Variants in ARMC6 observed in about 807,000 individuals in gnomAD.
ARMC6 encodes the protein armadillo repeat containing 6, also known as armadillo repeat-containing protein 6.
In ARMC6, 43 loss-of-function variants were observed where a neutral mutation model predicts 49.2. That is an observed-to-expected ratio of 0.87 (90% CI 0.69 to 1.13). The LOEUF (loss-of-function observed/expected upper bound fraction) is 1.13. Ranked by LOEUF, ARMC6 falls within the 50% of genes most tolerant of loss-of-function variation. The pLI, the probability that ARMC6 is intolerant of heterozygous loss-of-function variation, is 0.00. For synonymous variants in ARMC6, 262 were observed against 289.6 expected, an observed-to-expected ratio of 0.90 and a Z score of 0.97; for missense variants, 627 against 682.0, an observed-to-expected ratio of 0.92 and a Z score of 0.90.
At chr19:19,045,493 C>CTTCTTTTTTTTTTTTTTTTTT (rs2059442078) in intron 4 of ARMC6, among the ~76,000 whole-genome samples, 1 of 89,118 alleles carries the variant, frequency 1.1e-5, no homozygotes, top group African/African-American at 4.8e-5. Flanking sequence ...ATGCTAAATT[C>CTTCTTTTTTTTTTTTTTTTTT]TTTTTTTTTT....
At position 19,054,220 on chromosome 19, in the gene ARMC6, G is replaced by T; in HGVS notation, c.922G>T (p.Glu308Ter). The T allele has an allele frequency of 6.2e-7, 1 of 1,611,848 alleles. No homozygotes were observed. The highest frequency in any genetic ancestry group is 1.3e-5 in the African/African-American group (1 of 74,882). The change falls in exon 6 of 9, where the codon GAG (glutamate) becomes TAG (stop). Residue 308 changes from glutamate (E) to a stop codon, truncating the protein, a stop_gained. Transcript: ENST00000535612. LOFTEE classifies it high-confidence loss of function. ...GTLSRLAIRNEFCQEVVDLGG... is the reference protein window; with the variant it reads ...GTLSRLAIRN ...CCTGTCCCGCCTGGCCATTCGCAACGAGTTCTGCCAGGAGGTCGTCGACCT... is the reference window on the plus strand; with the variant it reads ...CCTGTCCCGCCTGGCCATTCGCAACTAGTTCTGCCAGGAGGTCGTCGACCT...
At chr19:19,039,169 C>G (rs1184097105) in intron 2 of ARMC6, among the ~76,000 whole-genome samples, 3 of 151,764 alleles carry the variant, frequency 2.0e-5, no homozygotes, top group Non-Finnish European at 4.4e-5. Context: ...TGGTCTCCCT[C>G]TGTCATCCAG....
chr19:19,056,151 C>G (rs2059542879), intron 8 of ARMC6, among the ~76,000 whole-genome samples: 1 of 152,126 alleles, frequency 6.6e-6, no homozygotes, highest in Non-Finnish European at 1.5e-5. Context: ...GCCTCCTTCT[C>G]TGCCTTTGTT....
intron 2 of ARMC6, among the ~76,000 whole-genome samples, chr19:19,037,379 CTTT>C (rs34331029): frequency 2.8e-5 from 4 of 140,858 alleles, no homozygotes; most frequent in Admixed American, 7.2e-5. Flanking sequence ...TTTCTTTTTC[CTTT>C]TTTTTTTTTT....
At chr19:19,045,256 G>A (rs2059439960) in intron 4 of ARMC6, among the ~76,000 whole-genome samples, 1 of 152,120 alleles carries the variant, frequency 6.6e-6, no homozygotes, top group Admixed American at 6.6e-5. Context: ...CAGGTTATCT[G>A]CCCGCGTTGG....
At position 19,055,994 on chromosome 19, in the gene ARMC6, C is replaced by G. The variant is rs1234870793; in HGVS notation, c.1293+66C>G. 14 of 1,533,734 alleles carry G rather than the reference C, an allele frequency of 9.1e-6. No individual in the cohort carries two copies. The African/African-American group carries it at 1.9e-4, about 21-fold the overall frequency. ...GATGTGCAGGTAGGTGCAGAGAGGG[C>G]ATGGGAGCAGGTGCGGTGTGCGGGT... On this transcript the variant is annotated intron_variant, in intron 8 of 8. Coordinates refer to ENST00000535612, the MANE Select transcript of ARMC6 (RefSeq NM_001199196.2). The surrounding 1 kb of genome is among the most constrained non-coding windows in gnomAD (Gnocchi z 5.7).
chr19:19,044,059 A>G lies in ARMC6; in HGVS notation c.264A>G (p.Thr88=). 2 of 1,614,138 alleles carry G rather than the reference A, an allele frequency of 1.2e-6. No homozygotes were observed. Among genetic ancestry groups the G allele is most frequent in the Non-Finnish European group, 1.7e-6 (2 of 1,179,976 alleles). ...CTGCAGACGGATCCCAGGAGCCCAC[A>G]CATGACATCCTGCAGGTAGGAGTGG... ...KVSADGSQEP[T]HDILQMLSDL... is the part of the protein sequence containing the mutation. The change falls in exon 4 of 9, where the codon ACA becomes ACG. Residue 88 remains threonine (T), a synonymous_variant. Transcript: ENST00000535612.
Position 19,034,164 on chromosome 19 carries a change from C to T in ARMC6, c.-46C>T. 6.9e-7 allele frequency: 1 copy of T among 1,448,556 alleles called. No individual in the cohort carries two copies. The highest frequency in any genetic ancestry group is 9.5e-7 in the Non-Finnish European group (1 of 1,048,374). 89.7% of individuals were successfully genotyped at this position (1,448,556 alleles called of 1,614,324 possible). A position where few individuals can be genotyped will look rare whatever the true frequency, so the allele number is the denominator to read the frequency against. On this transcript the variant is annotated 5_prime_UTR_variant, in exon 2 of 9. Transcript: ENST00000535612. Reference sequence around the variant, plus strand: ...CACTGAGTGCCTGCTGCGTGTCGGGCCCCGTCCTAGGCAGTGGGGACAAGG... The same window carrying T: ...CACTGAGTGCCTGCTGCGTGTCGGGTCCCGTCCTAGGCAGTGGGGACAAGG...
At chr19:19,043,472 A>G (rs879736497) in intron 3 of ARMC6, among the ~76,000 whole-genome samples, 9 of 152,126 alleles carry the variant, frequency 5.9e-5, no homozygotes, top group Non-Finnish European at 1.2e-4. Flanking sequence ...TCACTTCCCC[A>G]TTGAACAAAC....
Position 19,044,477 on chromosome 19 carries a change from G to A in ARMC6, c.279+403G>A, listed in dbSNP as rs1342790701. 7.2e-5 allele frequency among the ~76,000 whole-genome samples: 11 copies of A among 152,242 alleles called. 1 individual carries two copies. The highest frequency in any genetic ancestry group is 7.2e-4 in the Admixed American group (11 of 15,282). On this transcript the variant is annotated intron_variant, in intron 4 of 8. Coordinates refer to ENST00000535612, the MANE Select transcript of ARMC6 (RefSeq NM_001199196.2). ...TTTACCAGCACTTTCCAGCCAGTCC[G>A]TTAGCACTGAAGCTCACCAGTGAAG...
Position 19,042,772 on chromosome 19 carries a change from A to C in ARMC6, c.91A>C (p.Ile31Leu). ...ACAGGCGAAGATGGTCTCCAAGCGC[A>C]TTGCCCAGGAGACCTTTGATGCAGC... is the stretch of plus-strand genomic sequence containing the variant. ...STQAKMVSKR[I>L]AQETFDAAVR... The change falls in exon 3 of 9, where the codon ATT (isoleucine) becomes CTT (leucine). Residue 31 changes from isoleucine (I) to leucine (L), a missense_variant. Physicochemically the swap from Ile to Leu is conservative, Grantham distance 5. Transcript: ENST00000535612. 1.9e-6 allele frequency: 3 copies of C among 1,613,950 alleles called. No homozygotes were observed. Among genetic ancestry groups the C allele is most frequent in the Non-Finnish European group, 2.5e-6 (3 of 1,180,030 alleles).
Position 19,055,811 on chromosome 19 carries a change from G to C in ARMC6, c.1176G>C (p.Ala392=). 1.3e-6 allele frequency: 2 copies of C among 1,596,366 alleles called. No individual in the cohort carries two copies. The highest frequency in any genetic ancestry group is 1.7e-6 in the Non-Finnish European group (2 of 1,167,876). The change falls in exon 8 of 9, where the codon GCG becomes GCC. Residue 392 remains alanine, a synonymous_variant. Transcript: ENST00000535612. The surrounding 1 kb of genome is among the most constrained non-coding windows in gnomAD (Gnocchi z 5.7). ...TSPQVCEQSC[A]ALCFLALRKP... ...TGCAGGTGTGTGAGCAGAGCTGCGCGGCCCTGTGCTTCCTGGCCCTGCGTA... is the reference window on the plus strand; with the variant it reads ...TGCAGGTGTGTGAGCAGAGCTGCGCCGCCCTGTGCTTCCTGGCCCTGCGTA...
rs1022458511 is a variant in ARMC6, at chr19:19,047,854, A to G, written c.280-3768A>G. 5.3e-5 allele frequency among the ~76,000 whole-genome samples: 8 copies of G among 152,186 alleles called. No individual in the cohort carries two copies. The East Asian group carries it at 9.6e-4, about 18-fold the overall frequency. On this transcript the variant is annotated intron_variant, in intron 4 of 8. Transcript: ENST00000535612. ...ATCAATCAATACATGTGAGACGTACATTGGTGTGGTCTGGAAAAGTAGGGC... is the reference window on the plus strand; with the variant it reads ...ATCAATCAATACATGTGAGACGTACGTTGGTGTGGTCTGGAAAAGTAGGGC...
chr19:19,053,924 T>C (rs1009234091), intron 5 of ARMC6, among the ~76,000 whole-genome samples: 1 of 151,844 alleles, frequency 6.6e-6, no homozygotes. Flanking sequence ...TGGGGCATGA[T>C]GGAAGGAAGC....
At position 19,033,657 on chromosome 19, in the gene ARMC6, T is replaced by A; in HGVS notation, c.-353T>A. On this transcript the variant is annotated 5_prime_UTR_variant, in exon 1 of 9. Transcript: ENST00000535612. ...GTCCGCTTCTTCTGGGCGGACGCTC[T>A]GGAGGCAAAACATTTCCCTGCTGGG... The A allele has an allele frequency of 2.3e-6, 2 of 854,334 alleles. No homozygotes were observed. The highest frequency in any genetic ancestry group is 3.0e-6 in the Non-Finnish European group (2 of 671,754). 52.9% of individuals were successfully genotyped at this position (854,334 alleles called of 1,614,324 possible).
In ARMC6 at chr19:19,055,288, C is replaced by A; in HGVS notation, c.1047C>A (p.Ser349Arg). The A allele has an allele frequency of 6.2e-7, 1 of 1,609,222 alleles. No homozygotes were observed. The highest frequency in any genetic ancestry group is 1.7e-5 in the Admixed American group (1 of 59,460). ...AGGAGCTCGTGAAGCAAGTGCTGAG[C>A]ACCCTGCGAGCCATCGCAGGCAACG... ...GVQELVKQVLSTLRAIAGNDD... is the reference protein window; with the variant it reads ...GVQELVKQVLRTLRAIAGNDD... Residue 349 changes from serine (S) to arginine (R), a missense_variant, in exon 7 of 9, where the codon AGC (serine) becomes AGA (arginine). Transcript: ENST00000535612. The surrounding 1 kb of genome is among the most constrained non-coding windows in gnomAD (Gnocchi z 5.7).
rs2059312015 is a variant in ARMC6 at position 19,034,124 on chromosome 19, C to G, written c.-79-7C>G. On this transcript the variant is annotated splice_region_variant and splice_polypyrimidine_tract_variant and intron_variant, in intron 1 of 8. Coordinates refer to ENST00000535612, the MANE Select transcript of ARMC6 (RefSeq NM_001199196.2). ...TTTATTTTCATTCATTTTATTTATT[C>G]ATTCAGCACCTGTGCACTGAGTGCC... 1 of 834,968 alleles carries G rather than the reference C, an allele frequency of 1.2e-6. No individual in the cohort carries two copies. The highest frequency in any genetic ancestry group is 1.7e-5 in the African/African-American group (1 of 58,456). The allele number at this position is 834,968 out of a possible 1,614,324, so 51.7% of individuals were successfully genotyped here.
intron 4 of ARMC6, among the ~76,000 whole-genome samples, chr19:19,046,380 G>A (rs2059450720): frequency 6.6e-6 from 1 of 151,824 alleles, no homozygotes; most frequent in Admixed American, 6.6e-5. Flanking sequence ...GTATTTTTTA[G>A]TAGAGATGGG....
rs1421893461 is a variant in ARMC6 at position 19,033,725 on chromosome 19, G to T, written c.-285G>T. 7.5e-6 allele frequency: 2 copies of T among 265,192 alleles called. No individual in the cohort carries two copies. The highest frequency in any genetic ancestry group is 5.3e-5 in the Admixed American group (1 of 18,778). 16.4% of individuals were successfully genotyped at this position (265,192 alleles called of 1,614,324 possible). A position where few individuals can be genotyped will look rare whatever the true frequency, so the allele number is the denominator to read the frequency against. ...GCGTCCCGGAAGGGGCGGCAAAGAC[G>T]CCTCCGTCGCGCACGAGGTGGCCTC... is the stretch of plus-strand genomic sequence containing the variant. On this transcript the variant is annotated 5_prime_UTR_variant, in exon 1 of 9. Coordinates refer to ENST00000535612, the MANE Select transcript of ARMC6 (RefSeq NM_001199196.2).
Sources: gnomAD v4.1 joint callset for allele counts (sites outside exome capture counted in the v4.1 genomes callset) on GRCh38, gnomAD v4.1.1 for gene constraint, Gnocchi (gnomAD v3.1) non-coding constraint, MANE v1.5 for transcripts, NCBI Gene and HGNC (gene_info 2026-07-23, HGNC 2026-07-21) for gene names.